The following FAM47E variants were observed in gnomAD, a reference collection of about 807,000 sequenced individuals.
FAM47E encodes the protein protein FAM47E.
Under a neutral mutation model 41.6 loss-of-function variants are expected in FAM47E, and 32 were observed. The ratio of observed to expected loss-of-function variants is 0.77; its 90% CI spans 0.58 to 1.03. The LOEUF (loss-of-function observed/expected upper bound fraction) is 1.03. Among genes scored for constraint, FAM47E ranks in the 50% least tolerant of loss-of-function variants. The probability of loss-of-function intolerance (pLI) is 0.00; values close to 1 mark genes in which losing one functional copy is unlikely to be tolerated. For synonymous variants in FAM47E, 184 were observed against 188.7 expected (o/e 0.98, Z 0.20); for missense variants, 424 against 485.4 (o/e 0.87, Z 1.19).
intron 7 of FAM47E, chr4:76,282,164 C>CTAATCATA (rs1735381265): frequency 6.6e-6 from 1 of 152,122 alleles, no homozygotes; most frequent in African/African-American, 2.4e-5. Flanking sequence ...ACAATCTTTC[C>CTAATCATA]ATAACCTATG....
At chr4:76,252,248 T>C (rs1323833250) in intron 1 of FAM47E, among the ~76,000 whole-genome samples, 1 of 151,948 alleles carries the variant, frequency 6.6e-6, no homozygotes, top group Non-Finnish European at 1.5e-5. Context: ...GGTATCCAGA[T>C]GGCGGCTGTG....
At chr4:76,242,131 T>C (rs1457631981) in intron 2 of FAM47E, among the ~76,000 whole-genome samples, 1 of 152,198 alleles carries the variant, frequency 6.6e-6, no homozygotes, top group Non-Finnish European at 1.5e-5. Context: ...TACGGATAAA[T>C]TTAGTGATAT....
chr4:76,263,871 A>T (rs1430705477), intron 3 of FAM47E, 28 bp downstream of exon 3: 1 of 1,547,246 alleles, frequency 6.5e-7, no homozygotes, highest in Non-Finnish European at 8.7e-7. Context: ...CCCTTCGATC[A>T]TTGCTGTCAC....
At chr4:76,234,575 C>T (rs73828720) in intron 2 of FAM47E, 2 of 152,106 alleles carry the variant, frequency 1.3e-5, no homozygotes, top group African/African-American at 4.8e-5. Context: ...CCGCTGCAAA[C>T]AGCGTGAACT....
chr4:76,237,762 G>C (rs1246007904), intron 2 of FAM47E, among the ~76,000 whole-genome samples: 4 of 152,182 alleles, frequency 2.6e-5, no homozygotes, highest in African/African-American at 9.6e-5. Context: ...CACATGGCCA[G>C]AGCAGGAGCA....
chr4:76,283,096 C>G, intron 7 of FAM47E: 1 of 256,754 alleles, frequency 3.9e-6, no homozygotes, highest in East Asian at 7.5e-5. Flanking sequence ...GGATCCCAAG[C>G]CTTAGTAGCA....
intron 2 of FAM47E, among the ~76,000 whole-genome samples, chr4:76,243,618 G>T (rs1733757285): frequency 6.6e-6 from 1 of 152,144 alleles, no homozygotes; most frequent in African/African-American, 2.4e-5. Context: ...TCAATTGTAT[G>T]CAAGACCCTC....
At chr4:76,283,263 G>A in intron 7 of FAM47E, 118 bp from the exon 8 acceptor site, 1 of 619,776 alleles carries the variant, frequency 1.6e-6, no homozygotes, top group East Asian at 2.8e-5. Context: ...TTTGCATAGT[G>A]TAAGGATATA....
At chr4:76,245,123 T>A (rs1471292530) in intron 2 of FAM47E, among the ~76,000 whole-genome samples, 1 of 151,772 alleles carries the variant, frequency 6.6e-6, no homozygotes, top group Non-Finnish European at 1.5e-5. Context: ...TGCAGCAACA[T>A]CCTCATACGT....
At chr4:76,214,131 G>A (rs1337951986) in exon 1 of FAM47E, 4 of 436,124 alleles carry the variant, frequency 9.2e-6, no homozygotes, top group East Asian at 7.0e-5. Flanking sequence ...ATAGGTCTGA[G>A]GGCCTCCCAT....
chr4:76,219,692 G>A (rs1029657875), intron 2 of FAM47E, among the ~76,000 whole-genome samples: 2 of 152,108 alleles, frequency 1.3e-5, no homozygotes, highest in Admixed American at 1.3e-4. Flanking sequence ...GGAGTGGTGG[G>A]GAGAAGATAT....
intron 2 of FAM47E, among the ~76,000 whole-genome samples, chr4:76,246,482 T>C (rs900327090): frequency 3.9e-5 from 6 of 152,132 alleles, no homozygotes; most frequent in African/African-American, 1.2e-4. Context: ...TATGTGATAA[T>C]GGGGTAGAGA....
chr4:76,221,273 G>A (rs1228822904), intron 2 of FAM47E, among the ~76,000 whole-genome samples: 1 of 152,120 alleles, frequency 6.6e-6, no homozygotes, highest in African/African-American at 2.4e-5. Context: ...TCCTGGCCTG[G>A]GGAGTTTTTC....
chr4:76,216,346 G>C (rs568709257), intron 1 of FAM47E, among the ~76,000 whole-genome samples: 1 of 152,230 alleles, frequency 6.6e-6, no homozygotes, highest in African/African-American at 2.4e-5. Flanking sequence ...TGCCTGCCTA[G>C]GTACTTTGGC....
At chr4:76,250,363 G>A (rs1360759242), upstream of FAM47E, among the ~76,000 whole-genome samples, 1 of 151,746 alleles carries the variant, frequency 6.6e-6, no homozygotes, top group African/African-American at 2.4e-5. Context: ...ATCTTCTTTT[G>A]AGAATTGTCT....
intron 2 of FAM47E, among the ~76,000 whole-genome samples, chr4:76,223,680 G>A (rs72858510): frequency 0.046 from 7,003 of 152,174 alleles, 503 homozygotes; most frequent in African/African-American, 0.15. Context: ...TATGACCCAT[G>A]AGTAGAGTAA....
upstream of FAM47E, among the ~76,000 whole-genome samples, chr4:76,249,605 C>G (rs1342858132): frequency 6.6e-6 from 1 of 151,686 alleles, no homozygotes; most frequent in Non-Finnish European, 1.5e-5. Flanking sequence ...AGTAAGTTCT[C>G]CAGTGGCAAT....
chr4:76,216,826 A>C (rs1031271373), intron 1 of FAM47E, among the ~76,000 whole-genome samples: 12 of 152,254 alleles, frequency 7.9e-5, no homozygotes, highest in African/African-American at 2.2e-4. Flanking sequence ...ATAAGACAGA[A>C]CAAAAAGGAC....
At position 76,275,519 on chromosome 4, in the gene FAM47E, A is replaced by C. The variant is rs191084702; in HGVS notation, c.871-2550A>C. Among the ~76,000 whole-genome samples, 27 of 152,304 alleles carry C rather than the reference A, an allele frequency of 1.8e-4. No homozygotes were observed. The East Asian group carries it at 5.0e-3, about 28-fold the overall frequency. On this transcript the variant is annotated intron_variant, in intron 5 of 7. Transcript: ENST00000424749. ...CCACTATGTGTCCAAAAGTGCTGGG[A>C]ACAAGTGAAGCAAAAATGGAGGACT... is the stretch of plus-strand genomic sequence containing the variant.
Sources: gnomAD v4.1 joint callset for allele counts (sites outside exome capture counted in the v4.1 genomes callset) on GRCh38, gnomAD v4.1.1 for gene constraint, MANE v1.5 for transcripts, NCBI Gene and HGNC (gene_info 2026-07-23, HGNC 2026-07-21) for gene names.